SORCS3: variants seen among roughly 807,000 people sequenced by gnomAD.
The protein encoded by SORCS3 is sortilin related VPS10 domain containing receptor 3, also known as VPS10 domain-containing receptor SorCS3.
In SORCS3, 57 loss-of-function variants were observed where a neutral mutation model predicts 146.3. That is an observed-to-expected ratio of 0.39 (90% CI 0.31 to 0.49). The LOEUF (loss-of-function observed/expected upper bound fraction) is 0.49. Among genes scored for constraint, SORCS3 ranks in the 20% least tolerant of loss-of-function variants. The pLI is 0.92. For synonymous variants in SORCS3, 653 were observed against 618.5 expected (o/e 1.06, Z -0.83); for missense variants, 1,341 against 1,575.5 (o/e 0.85, Z 2.52).
chr10:104,912,051 G>A (rs1254088881), intron 2 of SORCS3, among the ~76,000 whole-genome samples: 1 of 152,140 alleles, frequency 6.6e-6, no homozygotes, highest in Non-Finnish European at 1.5e-5. Flanking sequence ...TCTATTTGGA[G>A]TTGAGCCCTG....
At chr10:104,795,079 CT>C (rs2017539700) in intron 1 of SORCS3, among the ~76,000 whole-genome samples, 1 of 152,164 alleles carries the variant, frequency 6.6e-6, no homozygotes, top group Non-Finnish European at 1.5e-5. Flanking sequence ...GACAATGTAA[CT>C]TTCCTACACA....
chr10:104,769,100 A>G (rs1231427874), intron 1 of SORCS3, among the ~76,000 whole-genome samples: 1 of 152,210 alleles, frequency 6.6e-6, no homozygotes, highest in Non-Finnish European at 1.5e-5. Context: ...TGAGTGGAAG[A>G]AGAGAGGGTC....
intron 1 of SORCS3, among the ~76,000 whole-genome samples, chr10:104,827,046 C>T (rs894134971): frequency 1.3e-5 from 2 of 152,174 alleles, no homozygotes; most frequent in Admixed American, 6.5e-5. Context: ...AATTCTAGTT[C>T]TCTTGCTATT....
chr10:104,969,303 T>TTGTGTGTGTGTGTG (rs59557629), intron 3 of SORCS3, among the ~76,000 whole-genome samples: 1 of 140,558 alleles, frequency 7.1e-6, no homozygotes, highest in Non-Finnish European at 1.5e-5. Flanking sequence ...TCAAAAAGGA[T>TTGTGTGTGTGTGTG]TGTGTGTGTG....
At chr10:104,879,967 G>T (rs1354431773) in intron 2 of SORCS3, among the ~76,000 whole-genome samples, 1 of 152,258 alleles carries the variant, frequency 6.6e-6, no homozygotes, top group East Asian at 1.9e-4. Flanking sequence ...GGTGGTGGAG[G>T]TGTTAAGCCT....
At chr10:104,686,033 G>A (rs1358817207) in intron 1 of SORCS3, among the ~76,000 whole-genome samples, 1 of 152,194 alleles carries the variant, frequency 6.6e-6, no homozygotes, top group East Asian at 1.9e-4. Context: ...GTGGGAGAGA[G>A]GGAGCTCCTG....
At chr10:105,001,565 C>T (rs1344812184) in intron 4 of SORCS3, among the ~76,000 whole-genome samples, 1 of 152,160 alleles carries the variant, frequency 6.6e-6, no homozygotes. Flanking sequence ...ATAGCACTTT[C>T]CATTGCAAAA....
chr10:105,006,847 C>T (rs1343014013), intron 4 of SORCS3, among the ~76,000 whole-genome samples: 4 of 152,218 alleles, frequency 2.6e-5, no homozygotes, highest in Non-Finnish European at 4.4e-5. Context: ...ACAACAGGCA[C>T]CCCTTATCCT....
intron 19 of SORCS3, among the ~76,000 whole-genome samples, 180 bp from the exon 20 acceptor site, chr10:105,222,936 C>T (rs1372893439): frequency 6.6e-6 from 1 of 152,146 alleles, no homozygotes; most frequent in Non-Finnish European, 1.5e-5. Context: ...ATTTGAGTTC[C>T]CTGTTATATT....
intron 2 of SORCS3, among the ~76,000 whole-genome samples, chr10:104,871,566 C>G (rs1293733813): frequency 6.6e-6 from 1 of 152,146 alleles, no homozygotes; most frequent in African/African-American, 2.4e-5. Flanking sequence ...AATTATGCAG[C>G]CTTCTGCAAT....
intron 4 of SORCS3, among the ~76,000 whole-genome samples, chr10:104,982,411 C>T (rs992783823): frequency 7.9e-5 from 12 of 152,182 alleles, no homozygotes; most frequent in African/African-American, 2.9e-4. Context: ...GATTAGTAGG[C>T]GATGATAAGT....
intron 1 of SORCS3, among the ~76,000 whole-genome samples, chr10:104,806,195 A>G (rs12256092): frequency 0.033 from 4,952 of 152,316 alleles, 258 homozygotes; most frequent in African/African-American, 0.11. Flanking sequence ...TAAACAGGAT[A>G]TTCCTGACTA....
At chr10:105,054,881 T>C (rs905921427) in intron 5 of SORCS3, among the ~76,000 whole-genome samples, 10 of 152,200 alleles carry the variant, frequency 6.6e-5, no homozygotes, top group Admixed American at 6.6e-5. Context: ...CTCTTCTTTT[T>C]CAAAATATTC....
intron 3 of SORCS3, among the ~76,000 whole-genome samples, chr10:104,963,940 T>A (rs1157550491): frequency 6.6e-6 from 1 of 152,170 alleles, no homozygotes; most frequent in Non-Finnish European, 1.5e-5. Flanking sequence ...ATCTAATCTG[T>A]AAGCAGACCT....
At chr10:105,049,046 A>T (rs1004311021) in intron 5 of SORCS3, among the ~76,000 whole-genome samples, 20 of 152,160 alleles carry the variant, frequency 1.3e-4, no homozygotes, top group Non-Finnish European at 2.8e-4. Flanking sequence ...TTGTATGCAT[A>T]GGTCTTTAAC....
chr10:104,853,400 A>C (rs546602809), intron 2 of SORCS3, among the ~76,000 whole-genome samples: 50 of 152,358 alleles, frequency 3.3e-4, no homozygotes, highest in African/African-American at 1.2e-3. Flanking sequence ...AACAGAAACC[A>C]TTGCTAACTT....
chr10:104,968,438 A>G (rs1031451166), intron 3 of SORCS3, among the ~76,000 whole-genome samples: 2 of 152,174 alleles, frequency 1.3e-5, no homozygotes, highest in Non-Finnish European at 2.9e-5. Flanking sequence ...CTGTTTACAC[A>G]TGAAATATCA....
chr10:105,205,454 C>T (rs952247536), intron 16 of SORCS3, among the ~76,000 whole-genome samples: 1 of 152,102 alleles, frequency 6.6e-6, no homozygotes, highest in African/African-American at 2.4e-5. Context: ...CAGCCTCAAG[C>T]GAACCCTAGA....
intron 5 of SORCS3, among the ~76,000 whole-genome samples, chr10:105,046,731 G>A (rs1399081115): frequency 1.3e-5 from 2 of 151,972 alleles, no homozygotes; most frequent in African/African-American, 4.8e-5. Context: ...ATCAAGATAG[G>A]TCACCTAGGA....
Sources: gnomAD v4.1 joint callset for allele counts (sites outside exome capture counted in the v4.1 genomes callset) on GRCh38, gnomAD v4.1.1 for gene constraint, MANE v1.5 for transcripts, NCBI Gene and HGNC (gene_info 2026-07-23, HGNC 2026-07-21) for gene names.